The following KPNA1 variants were observed in gnomAD, a reference collection of about 807,000 sequenced individuals.
KPNA1 encodes importin subunit alpha-5.
In KPNA1, 10 loss-of-function variants were observed where a neutral mutation model predicts 70.5. The observed-to-expected ratio is 0.14, with a 90% CI of 0.09 to 0.24. The LOEUF is 0.24. Ranked by LOEUF, KPNA1 falls within the 10% of genes least tolerant of loss-of-function variation. The pLI is 1.00. For synonymous variants in KPNA1, 192 were observed against 221.9 expected, an observed-to-expected ratio of 0.87 and a Z score of 1.20; for missense variants, 397 against 637.9, an observed-to-expected ratio of 0.62 and a Z score of 4.07.
chr3:122,472,949 C>T (rs991337728), intron 2 of KPNA1, among the ~76,000 whole-genome samples: 4 of 151,910 alleles, frequency 2.6e-5, no homozygotes, highest in Admixed American at 1.3e-4. Context: ...GGTGTGGTGG[C>T]GGGCGCCTGT....
intron 3 of KPNA1, chr3:122,464,262 T>A: frequency 2.7e-6 from 1 of 371,662 alleles, no homozygotes; most frequent in East Asian, 3.9e-5. Flanking sequence ...TAGAAAGTGA[T>A]CTTACTAGTA....
chr3:122,475,851 T>C (rs1267005734), intron 2 of KPNA1, among the ~76,000 whole-genome samples: 2 of 152,166 alleles, frequency 1.3e-5, no homozygotes, highest in African/African-American at 2.4e-5. Flanking sequence ...AGAGAAAATA[T>C]AGTTACAATT....
chr3:122,464,366 T>C (rs1286209896), intron 3 of KPNA1: 1 of 188,658 alleles, frequency 5.3e-6, no homozygotes, highest in African/African-American at 2.3e-5. Flanking sequence ...TTTTAAAAGA[T>C]GGCTTTTCAA....
chr3:122,464,734 A>C (rs1056661960), intron 3 of KPNA1, among the ~76,000 whole-genome samples: 2 of 152,274 alleles, frequency 1.3e-5, no homozygotes, highest in East Asian at 1.9e-4. Context: ...ACCATAACTC[A>C]TCCCCAGTAT....
intron 2 of KPNA1, among the ~76,000 whole-genome samples, chr3:122,492,180 T>C (rs1172601285): frequency 1.3e-5 from 2 of 152,214 alleles, no homozygotes; most frequent in Admixed American, 1.3e-4. Flanking sequence ...ATTTTAACTA[T>C]GCTTTCTTTC....
chr3:122,513,118 GA>G (rs1282504722), intron 1 of KPNA1, among the ~76,000 whole-genome samples: 1 of 152,170 alleles, frequency 6.6e-6, no homozygotes, highest in East Asian at 1.9e-4. Flanking sequence ...TGAAAGGAGA[GA>G]AATAATTTAA....
At chr3:122,446,534 G>A (rs994033005) in intron 9 of KPNA1, among the ~76,000 whole-genome samples, 5 of 152,274 alleles carry the variant, frequency 3.3e-5, no homozygotes, top group African/African-American at 1.2e-4. Context: ...TGTGTAGAGG[G>A]AAATTTATAG....
chr3:122,462,756 C>A (rs2076338228), intron 4 of KPNA1, among the ~76,000 whole-genome samples: 1 of 152,038 alleles, frequency 6.6e-6, no homozygotes. Context: ...TTCCACTTAA[C>A]CTCAAGGGAT....
intron 9 of KPNA1, among the ~76,000 whole-genome samples, chr3:122,443,935 A>G (rs2076099984): frequency 6.6e-6 from 1 of 152,212 alleles, no homozygotes. Context: ...TAGAGCAGAA[A>G]ACCGGTCTGA....
chr3:122,487,611 A>G (rs1021230509), intron 2 of KPNA1, among the ~76,000 whole-genome samples: 4 of 152,244 alleles, frequency 2.6e-5, no homozygotes, highest in Non-Finnish European at 4.4e-5. Context: ...GCTACAATAC[A>G]GATGAACCTT....
chr3:122,454,582 G>C (rs1055797132), intron 5 of KPNA1, among the ~76,000 whole-genome samples: 1 of 152,182 alleles, frequency 6.6e-6, no homozygotes, highest in Non-Finnish European at 1.5e-5. Flanking sequence ...AAGTAAAATG[G>C]GGGGAGAATG....
intron 2 of KPNA1, among the ~76,000 whole-genome samples, chr3:122,480,082 A>G (rs2076553166): frequency 6.6e-6 from 1 of 152,244 alleles, no homozygotes; most frequent in Non-Finnish European, 1.5e-5. Context: ...TACACATTGT[A>G]TGATTCCAAC....
intron 1 of KPNA1, among the ~76,000 whole-genome samples, chr3:122,508,306 C>G (rs2076914235): frequency 1.3e-5 from 2 of 152,130 alleles, no homozygotes. Flanking sequence ...AAGAAACAAG[C>G]TGATTCACAC....
chr3:122,505,267 C>A, intron 1 of KPNA1, among the ~76,000 whole-genome samples: 1 of 110,996 alleles, frequency 9.0e-6, no homozygotes, highest in Non-Finnish European at 1.7e-5. Context: ...TGTACCACTG[C>A]ATGCCTCAAA....
intron 2 of KPNA1, among the ~76,000 whole-genome samples, chr3:122,488,728 C>T (rs994650998): frequency 2.0e-5 from 3 of 152,152 alleles, no homozygotes; most frequent in Non-Finnish European, 2.9e-5. Flanking sequence ...TTGTTTACAA[C>T]GAGAACTGTG....
At chr3:122,447,325 C>T (rs979201273) in intron 9 of KPNA1, among the ~76,000 whole-genome samples, 9 of 152,270 alleles carry the variant, frequency 5.9e-5, no homozygotes, top group African/African-American at 1.9e-4. Flanking sequence ...TTATCCACCA[C>T]GATCAAGTCG....
At chr3:122,495,782 C>T (rs1050267534) in intron 2 of KPNA1, among the ~76,000 whole-genome samples, 5 of 147,238 alleles carry the variant, frequency 3.4e-5, no homozygotes, top group African/African-American at 5.0e-5. Context: ...ATTTCTTTGC[C>T]GAATGTAACA....
rs1037030956 is a variant in KPNA1, at chr3:122,482,358, T to G, written c.129+14079A>C. Reference sequence around the variant, plus strand: ...TCCATAGCTGATGGAAACATAGTTATATAGTACATGACTATATATGAAAAA... The same window carrying G: ...TCCATAGCTGATGGAAACATAGTTAGATAGTACATGACTATATATGAAAAA... On this transcript the variant is annotated intron_variant, in intron 2 of 13. Coordinates refer to ENST00000344337, the MANE Select transcript of KPNA1 (RefSeq NM_002264.4). Among the ~76,000 whole-genome samples the G allele has an allele frequency of 2.6e-5, 4 of 152,366 alleles. No homozygotes were observed. The East Asian group carries it at 7.7e-4, about 29-fold the overall frequency.
intron 2 of KPNA1, 22 bp from the exon 3 acceptor site, chr3:122,467,451 G>T: frequency 6.8e-7 from 1 of 1,471,374 alleles, no homozygotes; most frequent in Non-Finnish European, 9.5e-7. Context: ...AAGATTGGTA[G>T]CAATGTAAAT....
Sources: gnomAD v4.1 joint callset for allele counts (sites outside exome capture counted in the v4.1 genomes callset) on GRCh38, gnomAD v4.1.1 for gene constraint, MANE v1.5 for transcripts, NCBI Gene and HGNC (gene_info 2026-07-23, HGNC 2026-07-21) for gene names.